THNSL1: variants seen among roughly 807,000 people sequenced by gnomAD.
THNSL1 encodes threonine synthase like 1, also known as threonine synthase-like 1.
THNSL1 carries 48 observed loss-of-function variants against 50.4 expected under a neutral mutation model. The ratio of observed to expected loss-of-function variants is 0.95; its 90% CI spans 0.76 to 1.21. The LOEUF (loss-of-function observed/expected upper bound fraction) is 1.21. Ranked by LOEUF, THNSL1 falls within the 50% of genes most tolerant of loss-of-function variation. THNSL1 has a pLI of 0.00. For synonymous variants in THNSL1, 309 were observed against 306.1 expected, an observed-to-expected ratio of 1.01 and a Z score of -0.10; for missense variants, 896 against 871.7, an observed-to-expected ratio of 1.03 and a Z score of -0.35.
At chr10:25,015,221 C>T (rs1850538956), upstream of THNSL1, among the ~76,000 whole-genome samples, 1 of 152,158 alleles carries the variant, frequency 6.6e-6, no homozygotes, top group Non-Finnish European at 1.5e-5. Context: ...TTAAGAGGTT[C>T]TAAGACCTAT....
At chr10:24,987,146 T>C in the THNSL1 span, among the ~76,000 whole-genome samples, 3 of 152,240 alleles carry the variant, frequency 2.0e-5, no homozygotes, top group African/African-American at 7.2e-5. Context: ...AGTCTAGACA[T>C]GGGTTCTAGC....
chr10:24,990,678 C>T, the THNSL1 span: 1 of 1,411,058 alleles, frequency 7.1e-7, no homozygotes, highest in Middle Eastern at 1.9e-4. Flanking sequence ...TACGTATCAA[C>T]TGATGATGGA....
At chr10:25,020,732 C>A (rs1437753724) in intron 1 of THNSL1, among the ~76,000 whole-genome samples, 3 of 140,014 alleles carry the variant, frequency 2.1e-5, no homozygotes, top group African/African-American at 7.4e-5. Context: ...CAGTGGAAGA[C>A]CCTTTCTCAA....
chr10:25,007,018 G>T, the THNSL1 span, among the ~76,000 whole-genome samples: 1 of 152,038 alleles, frequency 6.6e-6, no homozygotes, highest in Non-Finnish European at 1.5e-5. Context: ...TATGAATATT[G>T]GATATCCATC....
Position 25,024,912 on chromosome 10 carries a change from A to G in THNSL1, c.1689A>G (p.Ser563=), listed in dbSNP as rs753568414. Residue 563 remains serine (S), a synonymous_variant, in exon 3 of 3, where the codon TCA becomes TCG. Coordinates refer to ENST00000376356, the MANE Select transcript of THNSL1 (RefSeq NM_024838.5). ...AACTAGCACAAACCTTTTCACCGTC[A>G]ATAGATATTCTCAAATCTTCAAACC... The part of the protein sequence containing the change: ...ERKLAQTFSP[S]IDILKSSNLE... The G allele has an allele frequency of 4.3e-6, 7 of 1,613,812 alleles. No individual in the cohort carries two copies. Among genetic ancestry groups the G allele is most frequent in the Non-Finnish European group, 5.9e-6 (7 of 1,180,028 alleles).
the THNSL1 span, among the ~76,000 whole-genome samples, chr10:24,961,142 T>A: frequency 6.6e-6 from 1 of 152,238 alleles, no homozygotes; most frequent in African/African-American, 2.4e-5. Context: ...TTTTGGTGCC[T>A]TCTTCCAGTT....
At chr10:25,017,246 C>A (rs1477026307) in intron 1 of THNSL1, among the ~76,000 whole-genome samples, 1 of 152,188 alleles carries the variant, frequency 6.6e-6, no homozygotes, top group Admixed American at 6.5e-5. Context: ...TTCTGAGAAG[C>A]GGTTTTATTC....
chr10:24,952,617 G>A, the THNSL1 span: 2 of 1,555,254 alleles, frequency 1.3e-6, no homozygotes. This position sits in a 1 kb window ranked among gnomAD's most constrained non-coding sequence, Gnocchi z 5.1. Context: ...GGCGCGGGAA[G>A]GAGCAGGGAG....
intron 2 of THNSL1, among the ~76,000 whole-genome samples, chr10:25,022,415 G>A (rs1403542228): frequency 6.6e-6 from 1 of 152,162 alleles, no homozygotes; most frequent in African/African-American, 2.4e-5. Context: ...AAGGTTATAT[G>A]TAGCCTTTGA....
chr10:24,952,903 C>G, the THNSL1 span, among the ~76,000 whole-genome samples: 1 of 151,826 alleles, frequency 6.6e-6, no homozygotes, highest in East Asian at 1.9e-4. The surrounding 1 kb of genome is among the most constrained non-coding windows in gnomAD (Gnocchi z 5.1). Flanking sequence ...TGGTCGCGTG[C>G]AGCCCCCGGC....
the THNSL1 span, chr10:24,995,850 GT>G: frequency 6.2e-7 from 1 of 1,603,926 alleles, no homozygotes; most frequent in Non-Finnish European, 8.5e-7. Context: ...TTTTGGGCAC[GT>G]TCCGATCAAA....
intron 1 of THNSL1, among the ~76,000 whole-genome samples, chr10:25,017,975 CTA>C (rs1192233422): frequency 6.6e-6 from 1 of 152,204 alleles, no homozygotes; most frequent in East Asian, 1.9e-4. Flanking sequence ...CACCTTGAGA[CTA>C]TTTGTGTTAA....
the THNSL1 span, among the ~76,000 whole-genome samples, chr10:24,965,990 T>C: frequency 1.3e-5 from 2 of 152,232 alleles, no homozygotes; most frequent in Non-Finnish European, 2.9e-5. Context: ...ACATTAAAAT[T>C]TCAGAATAAG....
At chr10:24,976,724 C>T in the THNSL1 span, among the ~76,000 whole-genome samples, 1 of 152,002 alleles carries the variant, frequency 6.6e-6, no homozygotes, top group Non-Finnish European at 1.5e-5. Context: ...GAACTCCTGA[C>T]CTCAGATGAT....
chr10:25,025,048 A>G lies in THNSL1; in HGVS notation c.1825A>G (p.Lys609Glu). 6.2e-7 allele frequency: 1 copy of G among 1,614,242 alleles called. No homozygotes were observed. Among genetic ancestry groups the G allele is most frequent in the African/African-American group, 1.3e-5 (1 of 75,068 alleles). Residue 609 changes from lysine (K) to glutamate (E), a missense_variant, in exon 3 of 3, where the codon AAA becomes GAA. Coordinates refer to ENST00000376356, the MANE Select transcript of THNSL1 (RefSeq NM_024838.5). ...CCAGATAGAAAAGGCTCTAGTTGAGAAACTTCAGCAGGATTTTGTAGCTGA... is the reference window on the plus strand; with the variant it reads ...CCAGATAGAAAAGGCTCTAGTTGAGGAACTTCAGCAGGATTTTGTAGCTGA... Reference protein sequence around the residue: ...HFQIEKALVEKLQQDFVADWC... With the variant: ...HFQIEKALVEELQQDFVADWC...
At chr10:24,966,525 C>T in the THNSL1 span, among the ~76,000 whole-genome samples, 1 of 152,214 alleles carries the variant, frequency 6.6e-6, no homozygotes, top group Non-Finnish European at 1.5e-5. Flanking sequence ...GGTGCCCCAA[C>T]ACCGTTTTCA....
chr10:24,960,316 A>G, the THNSL1 span, among the ~76,000 whole-genome samples: 1 of 152,198 alleles, frequency 6.6e-6, no homozygotes, highest in African/African-American at 2.4e-5. Flanking sequence ...GTTCCTTTCA[A>G]GGAACTCTCC....
At chr10:24,988,664 GTATATATA>G in the THNSL1 span, among the ~76,000 whole-genome samples, 24 of 98,866 alleles carry the variant, frequency 2.4e-4, no homozygotes, top group Non-Finnish European at 3.0e-4. Context: ...CACAGCATAT[GTATATATA>G]TATATATATA....
the THNSL1 span, among the ~76,000 whole-genome samples, chr10:24,970,994 A>C: frequency 6.6e-6 from 1 of 152,204 alleles, no homozygotes; most frequent in Non-Finnish European, 1.5e-5. Flanking sequence ...ACTGCACTCC[A>C]GCTTGGGTGA....
Sources: allele counts gnomAD v4.1 joint callset (sites outside exome capture counted in the v4.1 genomes callset), GRCh38; gene constraint gnomAD v4.1.1; non-coding constraint Gnocchi (gnomAD v3.1); transcripts MANE v1.5; gene names NCBI Gene and HGNC (gene_info 2026-07-23, HGNC 2026-07-21).